MOCOS: variants seen among roughly 807,000 people sequenced by gnomAD.
MOCOS encodes the protein human molybdenum cofactor sulfurase.
Under a neutral mutation model 83.6 loss-of-function variants are expected in MOCOS, and 86 were observed. The observed-to-expected ratio is 1.03, with a 90% CI of 0.86 to 1.23. The LOEUF (loss-of-function observed/expected upper bound fraction) is 1.23, where lower values mean the gene tolerates loss of function less well. Among genes scored for constraint, MOCOS ranks in the 50% most tolerant of loss-of-function variants. The pLI, the probability that MOCOS is intolerant of heterozygous loss-of-function variation, is 0.00. For synonymous variants in MOCOS, 445 were observed against 434.7 expected (o/e 1.02, Z -0.29); for missense variants, 1,120 against 1,126.9 (o/e 0.99, Z 0.09).
intron 12 of MOCOS, among the ~76,000 whole-genome samples, chr18:36,257,517 A>G (rs151169419): frequency 6.6e-6 from 1 of 152,200 alleles, no homozygotes; most frequent in African/African-American, 2.4e-5. Flanking sequence ...TTGCAGGCAC[A>G]CTTTATTTGA....
At position 36,200,038 on chromosome 18, in the gene MOCOS, G is replaced by A. The variant is rs188061556; in HGVS notation, c.655G>A (p.Val219Ile). ...ATACCCCCTGTCCTGGATAGAAGAGGTCAAGTCTGGGCGGTTGCACCCTGT... is the reference window on the plus strand; with the variant it reads ...ATACCCCCTGTCCTGGATAGAAGAGATCAAGTCTGGGCGGTTGCACCCTGT... ...VRYPLSWIEE[V>I]KSGRLHPVST... Residue 219 changes from valine (V) to isoleucine (I), a missense_variant, in exon 4 of 15, where the codon GTC becomes ATC. Coordinates refer to ENST00000261326, the MANE Select transcript of MOCOS (RefSeq NM_017947.4). 97 of 1,614,218 alleles carry A rather than the reference G, an allele frequency of 6.0e-5. No individual in the cohort carries two copies. In the East Asian group the frequency reaches 2.0e-3, roughly 34 times the overall value.
intron 8 of MOCOS, among the ~76,000 whole-genome samples, chr18:36,218,983 C>G (rs1392664223): frequency 6.6e-6 from 1 of 150,730 alleles, no homozygotes; most frequent in African/African-American, 2.4e-5. Context: ...ATTCTCCTGC[C>G]TCAGCCTCCA....
At chr18:36,256,851 C>CT (rs964064346) in intron 11 of MOCOS, 117 bp from the exon 12 acceptor site, 8 of 925,914 alleles carry the variant, frequency 8.6e-6, no homozygotes, top group Non-Finnish European at 1.4e-5. Flanking sequence ...CAGGACATCA[C>CT]TTTTTTTCCC....
intron 3 of MOCOS, among the ~76,000 whole-genome samples, 154 bp downstream of exon 3, chr18:36,198,910 C>T (rs1258675706): frequency 6.6e-6 from 1 of 152,148 alleles, no homozygotes; most frequent in Non-Finnish European, 1.5e-5. Flanking sequence ...ACATCAGAGT[C>T]AGAGCTCAGA....
chr18:36,236,539 G>C (rs1179826845), intron 9 of MOCOS, among the ~76,000 whole-genome samples: 2 of 94,862 alleles, frequency 2.1e-5, no homozygotes, highest in African/African-American at 4.2e-5. Flanking sequence ...CTGTAGCCTT[G>C]TAGTATAGTT....
intron 2 of MOCOS, among the ~76,000 whole-genome samples, chr18:36,198,022 G>A (rs1163468002): frequency 6.6e-6 from 1 of 152,132 alleles, no homozygotes; most frequent in Non-Finnish European, 1.5e-5. Context: ...TCTTGTGTCT[G>A]GAGTATTTCA....
chr18:36,265,744 T>G (rs1222322442), intron 13 of MOCOS, among the ~76,000 whole-genome samples: 14 of 87,814 alleles, frequency 1.6e-4, no homozygotes, highest in South Asian at 7.5e-4. Context: ...CGTATGGATA[T>G]ATATATATAT....
chr18:36,220,875 G>A (rs909883855), intron 9 of MOCOS, among the ~76,000 whole-genome samples: 1 of 151,452 alleles, frequency 6.6e-6, no homozygotes, highest in African/African-American at 2.4e-5. Flanking sequence ...GCTGCAGTGA[G>A]CCCAGATCGC....
At chr18:36,238,798 C>T (rs1447000054) in intron 9 of MOCOS, among the ~76,000 whole-genome samples, 86 of 121,454 alleles carry the variant, frequency 7.1e-4, no homozygotes, top group African/African-American at 2.2e-3. Context: ...TCAGGACTTG[C>T]TTTATGAATC....
chr18:36,252,561 A>G (rs1170060065), intron 11 of MOCOS, among the ~76,000 whole-genome samples: 1 of 152,106 alleles, frequency 6.6e-6, no homozygotes, highest in Admixed American at 6.5e-5. Context: ...CTGTCTCAAA[A>G]AAAAATTTAA....
chr18:36,268,994 G>T lies in MOCOS; in HGVS notation c.*309G>T. 1 of 348,950 alleles carries T rather than the reference G, an allele frequency of 2.9e-6. No individual in the cohort carries two copies. The highest frequency in any genetic ancestry group is 5.3e-6 in the Non-Finnish European group (1 of 189,362). 21.6% of individuals were successfully genotyped at this position (348,950 alleles called of 1,614,324 possible). A position where few individuals can be genotyped will look rare whatever the true frequency, so the allele number is the denominator to read the frequency against. On this transcript the variant is annotated 3_prime_UTR_variant, in exon 15 of 15. Transcript: ENST00000261326. Reference sequence around the variant, plus strand: ...AATTTTTAATGAAGTTCACTGGGAAGATTGAACTTACTGCGGGTCCCTATT... The same window carrying T: ...AATTTTTAATGAAGTTCACTGGGAATATTGAACTTACTGCGGGTCCCTATT...
At chr18:36,229,776 A>G (rs1369117378) in intron 9 of MOCOS, among the ~76,000 whole-genome samples, 1 of 151,622 alleles carries the variant, frequency 6.6e-6, no homozygotes, top group Non-Finnish European at 1.5e-5. Flanking sequence ...TTGCTGATCT[A>G]GTCTGCTGTT....
At chr18:36,249,027 T>C in intron 10 of MOCOS, 27 bp downstream of exon 10, 1 of 1,597,800 alleles carries the variant, frequency 6.3e-7, no homozygotes, top group Non-Finnish European at 8.6e-7. Flanking sequence ...CGTGAAAATC[T>C]CAGCTTTATT....
intron 9 of MOCOS, among the ~76,000 whole-genome samples, chr18:36,244,343 AG>A (rs2091595208): frequency 6.6e-6 from 1 of 152,164 alleles, no homozygotes; most frequent in Non-Finnish European, 1.5e-5. Flanking sequence ...TTCAGTTCAA[AG>A]AATTTTTTAA....
At chr18:36,237,574 G>C (rs957812329) in intron 9 of MOCOS, among the ~76,000 whole-genome samples, 9 of 152,144 alleles carry the variant, frequency 5.9e-5, no homozygotes, top group African/African-American at 2.2e-4. Flanking sequence ...GTTCATCAAG[G>C]ATATTGGTCT....
intron 9 of MOCOS, among the ~76,000 whole-genome samples, chr18:36,241,321 A>G (rs574424317): frequency 5.3e-5 from 8 of 152,332 alleles, no homozygotes; most frequent in South Asian, 2.1e-4. Flanking sequence ...TTGGGTAAAT[A>G]TACCCATTTT....
Position 36,215,672 on chromosome 18 carries a change from G to A in MOCOS, c.1492G>A (p.Val498Ile). 6.2e-7 allele frequency: 1 copy of A among 1,614,186 alleles called. No individual in the cohort carries two copies. Among genetic ancestry groups the A allele is most frequent in the Non-Finnish European group, 8.5e-7 (1 of 1,180,024 alleles). The change falls in exon 8 of 15, where the codon GTC becomes ATC. Residue 498 changes from valine to isoleucine, a missense_variant. By Grantham distance (29) the Val-to-Ile change is conservative. Coordinates refer to ENST00000261326, the MANE Select transcript of MOCOS (RefSeq NM_017947.4). Reference protein sequence around the residue: ...TRLHSSGDWPVPQAHADTGET... With the variant: ...TRLHSSGDWPIPQAHADTGET... ...CCTGCACTCATCAGGGGACTGGCCT[G>A]TCCCTCAGGCCCATGCTGACACCGG... is the stretch of plus-strand genomic sequence containing the variant.
chr18:36,222,733 C>G (rs951963036), intron 9 of MOCOS, among the ~76,000 whole-genome samples: 5 of 151,858 alleles, frequency 3.3e-5, no homozygotes, highest in African/African-American at 1.2e-4. Flanking sequence ...TTCCCAGTAG[C>G]TGGGACTACA....
At chr18:36,234,229 C>A (rs1344530156) in intron 9 of MOCOS, among the ~76,000 whole-genome samples, 1 of 152,086 alleles carries the variant, frequency 6.6e-6, no homozygotes, top group Non-Finnish European at 1.5e-5. Context: ...GATAAGGATC[C>A]ATTTTCATGT....
Sources: gnomAD v4.1 joint callset for allele counts (sites outside exome capture counted in the v4.1 genomes callset) on GRCh38, gnomAD v4.1.1 for gene constraint, MANE v1.5 for transcripts, NCBI Gene and HGNC (gene_info 2026-07-23, HGNC 2026-07-21) for gene names.